The following ANO3 variants were observed in gnomAD, a reference collection of about 807,000 sequenced individuals.
ANO3 encodes the protein anoctamin-3.
A neutral mutation model predicts 144.8 loss-of-function variants in ANO3; 99 were observed. The ratio of observed to expected loss-of-function variants is 0.68; its 90% CI spans 0.58 to 0.81. The LOEUF is 0.81. Among genes scored for constraint, ANO3 ranks in the 30% least tolerant of loss-of-function variants. The pLI is 0.00. For synonymous variants in ANO3, 414 were observed against 392.6 expected (o/e 1.05, Z -0.64); for missense variants, 905 against 1,202.2 (o/e 0.75, Z 3.66).
intron 17 of ANO3, among the ~76,000 whole-genome samples, chr11:26,602,786 G>T (rs1851838363): frequency 6.6e-6 from 1 of 151,202 alleles, no homozygotes; most frequent in Non-Finnish European, 1.5e-5. Context: ...TAGAACACTA[G>T]AACTTATTTC....
chr11:26,291,226 G>A (rs1853948883), intron 1 of ANO3, among the ~76,000 whole-genome samples: 1 of 152,078 alleles, frequency 6.6e-6, no homozygotes, highest in African/African-American at 2.4e-5. Flanking sequence ...GACTAGGATT[G>A]CAACCCTTGC....
At chr11:26,267,892 T>C (rs1446987117) in intron 1 of ANO3, among the ~76,000 whole-genome samples, 8 of 152,168 alleles carry the variant, frequency 5.3e-5, no homozygotes, top group African/African-American at 1.9e-4. Context: ...TCTGATATCT[T>C]GGCATGTAAA....
intron 10 of ANO3, among the ~76,000 whole-genome samples, chr11:26,541,036 G>A (rs1395987901): frequency 6.6e-6 from 1 of 152,066 alleles, no homozygotes; most frequent in Non-Finnish European, 1.5e-5. Context: ...GCAAAGACTT[G>A]GAACCAATCC....
At chr11:26,615,414 A>ATATATATATATATATATATT (rs1352935016) in intron 17 of ANO3, among the ~76,000 whole-genome samples, 14 of 130,698 alleles carry the variant, frequency 1.1e-4, no homozygotes, top group African/African-American at 3.6e-4. Flanking sequence ...ATATATATAT[A>ATATATATATATATATATATT]TTTTTTTTTT....
chr11:26,656,132 A>C lies in ANO3; in HGVS notation c.2584A>C (p.Lys862Gln). 1.9e-6 allele frequency: 3 copies of C among 1,612,292 alleles called. No individual in the cohort carries two copies. ...ATTTTTCTTTTCTCCCAGTTGCTTG[A>C]AGGGATATGTCAACAATAGCCTATC... Reference protein sequence around the residue: ...NHVEPSENCLKGYVNNSLSFF... With the variant: ...NHVEPSENCLQGYVNNSLSFF... Residue 862 changes from lysine to glutamine, a missense_variant, in exon 25 of 27, where the codon AAG (lysine) becomes CAG (glutamine). Physicochemically the swap from Lys to Gln is moderately conservative, Grantham distance 53. This residue lies in a region of ANO3 where 597 missense variants were observed against 865.1 expected (regional missense o/e 0.69). Transcript: ENST00000256737.
chr11:26,519,400 T>G (rs1861981576), intron 6 of ANO3, among the ~76,000 whole-genome samples: 3 of 152,208 alleles, frequency 2.0e-5, no homozygotes, highest in Admixed American at 2.0e-4. Context: ...CAGCCACCTA[T>G]TATTAAGATG....
chr11:26,408,035 A>G (rs1411577575), intron 1 of ANO3, among the ~76,000 whole-genome samples: 1 of 152,094 alleles, frequency 6.6e-6, no homozygotes, highest in African/African-American at 2.4e-5. Flanking sequence ...AAGAAAACCT[A>G]GGCAGTACCA....
At chr11:26,255,283 C>G (rs1853030360) in intron 1 of ANO3, among the ~76,000 whole-genome samples, 1 of 152,132 alleles carries the variant, frequency 6.6e-6, no homozygotes, top group Admixed American at 6.6e-5. Flanking sequence ...CTGATCAACA[C>G]TAGTGTTGTG....
intron 6 of ANO3, among the ~76,000 whole-genome samples, chr11:26,522,336 A>G (rs1003651775): frequency 1.3e-5 from 2 of 152,210 alleles, no homozygotes; most frequent in South Asian, 2.1e-4. Context: ...AAATAGGAGC[A>G]TGGGGGTCAG....
intron 3 of ANO3, among the ~76,000 whole-genome samples, chr11:26,447,561 G>A (rs1858749180): frequency 6.6e-6 from 1 of 152,180 alleles, no homozygotes; most frequent in Non-Finnish European, 1.5e-5. Flanking sequence ...TCTGTAAGAT[G>A]TTAGTAAGTT....
intron 4 of ANO3, among the ~76,000 whole-genome samples, chr11:26,489,898 G>A (rs1227305594): frequency 1.3e-5 from 2 of 152,220 alleles, no homozygotes; most frequent in Non-Finnish European, 2.9e-5. Context: ...AGGCAGAAAG[G>A]ACTTGTCTTG....
chr11:26,404,373 T>G (rs1004752291), intron 1 of ANO3, among the ~76,000 whole-genome samples: 1 of 151,850 alleles, frequency 6.6e-6, no homozygotes, highest in Non-Finnish European at 1.5e-5. Flanking sequence ...TAATGTTCTA[T>G]TCACAAAGTC....
At chr11:26,452,604 T>A (rs901169444) in intron 3 of ANO3, among the ~76,000 whole-genome samples, 2 of 152,178 alleles carry the variant, frequency 1.3e-5, no homozygotes, top group African/African-American at 4.8e-5. Flanking sequence ...CTACATCTGA[T>A]TGGTATACCT....
intron 4 of ANO3, among the ~76,000 whole-genome samples, chr11:26,464,695 A>T (rs1377427013): frequency 6.6e-6 from 1 of 151,788 alleles, no homozygotes; most frequent in Non-Finnish European, 1.5e-5. Context: ...GTGTATGACT[A>T]TGGTAACAGA....
At position 26,643,204 on chromosome 11, in the gene ANO3, C is replaced by T. The variant is rs1169840584; in HGVS notation, c.2298C>T (p.Thr766=). 2 of 1,613,894 alleles carry T rather than the reference C, an allele frequency of 1.2e-6. No homozygotes were observed. The highest frequency in any genetic ancestry group is 3.3e-5 in the Admixed American group (2 of 59,992). Residue 766 remains threonine (T), a synonymous_variant, in exon 23 of 27, where the codon ACC becomes ACT. Coordinates refer to ENST00000256737, the MANE Select transcript of ANO3 (RefSeq NM_031418.4). The part of the protein sequence containing the change: ...LEMVLQFGFT[T]IFVAAFPLAP... ...CAGTTTTGCAATTTGGTTTTACCAC[C>T]ATCTTTGTTGCGGCTTTTCCTCTAG...
chr11:26,412,945 C>T (rs1239257346), intron 1 of ANO3, among the ~76,000 whole-genome samples: 2 of 151,848 alleles, frequency 1.3e-5, no homozygotes, highest in Admixed American at 1.3e-4. Flanking sequence ...TCTCTGAAGT[C>T]ATCAGTGTAG....
intron 14 of ANO3, among the ~76,000 whole-genome samples, chr11:26,587,204 T>C (rs1193704190): frequency 2.0e-5 from 3 of 152,140 alleles, no homozygotes; most frequent in Non-Finnish European, 4.4e-5. Flanking sequence ...AGGCAGTGAG[T>C]CAAATCTGGC....
At chr11:26,234,079 T>C (rs1297952939) in intron 1 of ANO3, among the ~76,000 whole-genome samples, 1 of 152,152 alleles carries the variant, frequency 6.6e-6, no homozygotes, top group Non-Finnish European at 1.5e-5. Context: ...GCCTGCACGT[T>C]CTGCACATGT....
intron 1 of ANO3, among the ~76,000 whole-genome samples, chr11:26,391,426 T>C (rs183601096): frequency 6.6e-6 from 1 of 152,272 alleles, no homozygotes; most frequent in African/African-American, 2.4e-5. Context: ...ATACTGTTAA[T>C]ATTGGTTATT....
Sources: allele counts gnomAD v4.1 joint callset (sites outside exome capture counted in the v4.1 genomes callset), GRCh38; gene constraint gnomAD v4.1.1; regional missense constraint gnomAD v4.1.1; transcripts MANE v1.5; gene names NCBI Gene and HGNC (gene_info 2026-07-23, HGNC 2026-07-21).